MTHFD2: variants seen among roughly 807,000 people sequenced by gnomAD.
The protein encoded by MTHFD2 is bifunctional methylenetetrahydrofolate dehydrogenase/cyclohydrolase, mitochondrial.
Under a neutral mutation model 36.8 loss-of-function variants are expected in MTHFD2, and 26 were observed. The ratio of observed to expected loss-of-function variants is 0.71; its 90% CI spans 0.52 to 0.98. The LOEUF (loss-of-function observed/expected upper bound fraction) is 0.98. MTHFD2 is among the 50% of genes least tolerant of loss of function. The pLI is 0.00. For missense variants in MTHFD2, 373 were observed against 434.0 expected, an observed-to-expected ratio of 0.86 and a Z score of 1.25; for synonymous variants, 164 against 155.2, an observed-to-expected ratio of 1.06 and a Z score of -0.42.
rs976266897 is a variant in MTHFD2, at chr2:74,214,284, T to C, written c.*42T>C. Reference sequence around the variant, plus strand: ...GTCACAAACAGCACTCCAGGCCAGCTCAAGAAGCAAAGCAGGCCAATAGAA... The same window carrying C: ...GTCACAAACAGCACTCCAGGCCAGCCCAAGAAGCAAAGCAGGCCAATAGAA... On this transcript the variant is annotated 3_prime_UTR_variant, in exon 8 of 8. Transcript: ENST00000394053. The C allele has an allele frequency of 1.9e-6, 3 of 1,588,638 alleles. No homozygotes were observed. The highest frequency in any genetic ancestry group is 1.4e-5 in the African/African-American group (1 of 73,906).
intron 3 of MTHFD2, 40 bp downstream of exon 3, chr2:74,207,866 C>T (rs1694217551): frequency 1.3e-6 from 2 of 1,554,030 alleles, no homozygotes; most frequent in Admixed American, 1.7e-5. Context: ...GCTGCTGCTT[C>T]TGCTCCTTTC....
At chr2:74,199,027 G>T (rs906659627) in intron 1 of MTHFD2, among the ~76,000 whole-genome samples, 3 of 152,234 alleles carry the variant, frequency 2.0e-5, no homozygotes, top group African/African-American at 7.2e-5. Flanking sequence ...GCCAGTCGGC[G>T]GGCGGGACGG....
At chr2:74,205,579 A>G (rs1025253112) in intron 1 of MTHFD2, 126 bp from the exon 2 acceptor site, 1 of 1,013,730 alleles carries the variant, frequency 9.9e-7, no homozygotes, top group East Asian at 2.7e-5. Context: ...CCTGGGCTCA[A>G]GCCATCCTCC....
rs1006694377 is a variant in MTHFD2 at position 74,217,211 on chromosome 2, G to A, written c.*2969G>A. The stretch of plus-strand genomic sequence containing the variant: ...GCAAATATAGTAACTCTAACCTCAA[G>A]GTTCAAGTGATTTACTCAAGGTTTA... On this transcript the variant is annotated 3_prime_UTR_variant, in exon 8 of 8. Coordinates refer to ENST00000394053, the MANE Select transcript of MTHFD2 (RefSeq NM_006636.4). 7.2e-5 allele frequency: 11 copies of A among 152,140 alleles called. No individual in the cohort carries two copies. The highest frequency in any genetic ancestry group is 2.2e-4 in the African/African-American group (9 of 41,440). The allele number at this position is 152,140 out of a possible 1,614,324, so 9.4% of individuals were successfully genotyped here.
At chr2:74,211,316 G>A (rs555901749) in intron 6 of MTHFD2, 25 bp downstream of exon 6, 127 of 1,468,240 alleles carry the variant, frequency 8.6e-5, no homozygotes, top group South Asian at 1.3e-4. Flanking sequence ...GGGATGGAGG[G>A]AAGGACTTCA....
At chr2:74,204,965 A>G (rs1694144474) in intron 1 of MTHFD2, among the ~76,000 whole-genome samples, 1 of 152,208 alleles carries the variant, frequency 6.6e-6, no homozygotes, top group African/African-American at 2.4e-5. Context: ...AGCTGGGATT[A>G]CAGGAGCCCA....
intron 1 of MTHFD2, among the ~76,000 whole-genome samples, chr2:74,199,310 A>T (rs940915983): frequency 1.1e-4 from 17 of 152,240 alleles, no homozygotes; most frequent in Non-Finnish European, 1.9e-4. Flanking sequence ...TGCCAGGAAC[A>T]TGAACGGACT....
At chr2:74,210,785 G>T (rs1047914049) in intron 5 of MTHFD2, among the ~76,000 whole-genome samples, 26 of 132,022 alleles carry the variant, frequency 2.0e-4, no homozygotes, top group East Asian at 1.0e-3. Context: ...CATTAAGTCA[G>T]TTTTTTTTTT....
In MTHFD2 at chr2:74,208,789, C is replaced by T. The variant is rs1417834915; in HGVS notation, c.562+68C>T. The T allele has an allele frequency of 4.0e-6, 6 of 1,509,138 alleles. No homozygotes were observed. The African/African-American group carries it at 8.3e-5, about 21-fold the overall frequency. The allele number at this position is 1,509,138 out of a possible 1,614,324, so 93.5% of individuals were successfully genotyped here. On this transcript the variant is annotated intron_variant, in intron 4 of 7. Transcript: ENST00000394053. ...AAGTAGTACTGGCAAATGGTAAAAA[C>T]TCATACAGTCCCAAAGAGTGGAAAC...
chr2:74,210,785 G>GTTTTTTTTTTTGT (rs1553449047), intron 5 of MTHFD2, among the ~76,000 whole-genome samples: 5 of 132,052 alleles, frequency 3.8e-5, no homozygotes, highest in African/African-American at 1.5e-4. Flanking sequence ...CATTAAGTCA[G>GTTTTTTTTTTTGT]TTTTTTTTTT....
intron 1 of MTHFD2, among the ~76,000 whole-genome samples, chr2:74,203,254 C>T (rs1452155463): frequency 1.3e-5 from 2 of 152,168 alleles, no homozygotes; most frequent in Admixed American, 1.3e-4. Context: ...GATCTGCCCA[C>T]CTTGGCCTCC....
At chr2:74,201,742 C>T (rs928766879) in intron 1 of MTHFD2, among the ~76,000 whole-genome samples, 10 of 152,180 alleles carry the variant, frequency 6.6e-5, no homozygotes, top group Non-Finnish European at 4.4e-5. Flanking sequence ...TTAGCTGACT[C>T]TCCATTTCCC....
Position 74,211,836 on chromosome 2 carries a change from C to T in MTHFD2, c.859C>T (p.Pro287Ser). ...NRVHDPVTAK[P>S]KLVGDVDFEG... is the part of the protein sequence containing the mutation. Reference sequence around the variant, plus strand: ...AGTTCACGATCCTGTAACTGCCAAACCCAAGTTGGTTGGAGATGTGGATTT... The same window carrying T: ...AGTTCACGATCCTGTAACTGCCAAATCCAAGTTGGTTGGAGATGTGGATTT... Residue 287 changes from proline to serine, a missense_variant, in exon 7 of 8, where the codon CCC (proline) becomes TCC (serine). Coordinates refer to ENST00000394053, the MANE Select transcript of MTHFD2 (RefSeq NM_006636.4). The T allele has an allele frequency of 6.2e-7, 1 of 1,610,842 alleles. No homozygotes were observed. The highest frequency in any genetic ancestry group is 8.5e-7 in the Non-Finnish European group (1 of 1,179,480).
chr2:74,207,914 C>T, intron 3 of MTHFD2, 88 bp downstream of exon 3: 1 of 1,317,784 alleles, frequency 7.6e-7, no homozygotes. Context: ...CCATCCCCCT[C>T]CTCCTCCCTC....
chr2:74,208,777 A>C, intron 4 of MTHFD2, 56 bp downstream of exon 4: 1 of 1,562,480 alleles, frequency 6.4e-7, no homozygotes, highest in Non-Finnish European at 8.8e-7. Context: ...TAGTACTGGC[A>C]AATGGTAAAA....
At chr2:74,207,911 C>A (rs1353498565) in intron 3 of MTHFD2, 85 bp downstream of exon 3, 3 of 1,309,782 alleles carry the variant, frequency 2.3e-6, no homozygotes, top group South Asian at 2.8e-5. Context: ...TCCCCATCCC[C>A]CTCCTCCTCC....
At chr2:74,207,566 G>C in intron 2 of MTHFD2, 138 bp from the exon 3 acceptor site, 6 of 712,046 alleles carry the variant, frequency 8.4e-6, no homozygotes, top group Non-Finnish European at 1.4e-5. Context: ...TACTTTTTTA[G>C]GTTCCTTGAG....
intron 2 of MTHFD2, among the ~76,000 whole-genome samples, chr2:74,207,059 G>C (rs920576412): frequency 1.3e-5 from 2 of 151,072 alleles, no homozygotes; most frequent in Non-Finnish European, 3.0e-5. Context: ...TTGGGAGGTA[G>C]TGTGGTGCAG....
At chr2:74,212,263 C>CTTTTTTTTTTTTTTT (rs398042480) in intron 7 of MTHFD2, among the ~76,000 whole-genome samples, 1 of 35,718 alleles carries the variant, frequency 2.8e-5, no homozygotes, top group Non-Finnish European at 4.6e-5. Context: ...GTTTCTTTCT[C>CTTTTTTTTTTTTTTT]TTTTTTTTTT....
Sources: gnomAD v4.1 joint callset for allele counts (sites outside exome capture counted in the v4.1 genomes callset) on GRCh38, gnomAD v4.1.1 for gene constraint, MANE v1.5 for transcripts, NCBI Gene and HGNC (gene_info 2026-07-23, HGNC 2026-07-21) for gene names.